Variants in AGBL3 observed in about 807,000 individuals in gnomAD.
AGBL3 encodes the protein cytosolic carboxypeptidase 3.
AGBL3 carries 68 observed loss-of-function variants against 94.5 expected under a neutral mutation model. The observed-to-expected ratio is 0.72, with a 90% confidence interval of 0.59 to 0.88. AGBL3 has a LOEUF of 0.88. AGBL3 is among the 40% of genes least tolerant of loss of function. The pLI is 0.00. For synonymous variants in AGBL3, 354 were observed against 370.7 expected (o/e 0.95, Z 0.52); for missense variants, 934 against 1,103.8 (o/e 0.85, Z 2.18).
rs533913574 is a variant in AGBL3, at chr7:135,021,534, C to T, written c.418+4375C>T. Among the ~76,000 whole-genome samples, 376 of 152,108 alleles carry T rather than the reference C, an allele frequency of 2.5e-3. 4 individuals are homozygous for T. Among genetic ancestry groups the T allele is most frequent in the African/African-American group, 8.2e-3 (342 of 41,508 alleles). On this transcript the variant is annotated intron_variant, in intron 5 of 16. Transcript: ENST00000436302. ...GTCTCGATCTCCTGACCTTGTGATC[C>T]GCCCGCCTCAGCCTCCCAAAGTGCT...
chr7:135,115,795 G>A (rs995391887), intron 16 of AGBL3, 184 bp downstream of exon 16: 7 of 543,042 alleles, frequency 1.3e-5, no homozygotes, highest in Non-Finnish European at 2.3e-5. Flanking sequence ...GAAGGAGTAA[G>A]TTATCAGGCC....
chr7:135,113,078 A>G (rs1406428714), intron 15 of AGBL3, among the ~76,000 whole-genome samples: 1 of 152,222 alleles, frequency 6.6e-6, no homozygotes, highest in Non-Finnish European at 1.5e-5. Context: ...CACCCGGCCT[A>G]CATTCAGTGA....
In AGBL3 at chr7:135,080,199, T is replaced by C. The variant is rs900773356; in HGVS notation, c.1981-4T>C. On this transcript the variant is annotated splice_polypyrimidine_tract_variant and splice_region_variant and intron_variant, in intron 13 of 16. Transcript: ENST00000436302. ...TTGTTTTCTTTGATTCTACATTCCATTAGGTTTATGATAGAGGGCATTTGC... is the reference window on the plus strand; with the variant it reads ...TTGTTTTCTTTGATTCTACATTCCACTAGGTTTATGATAGAGGGCATTTGC... 1 of 1,542,488 alleles carries C rather than the reference T, an allele frequency of 6.5e-7. No homozygotes were observed. The highest frequency in any genetic ancestry group is 8.8e-7 in the Non-Finnish European group (1 of 1,139,300).
chr7:135,001,900 G>T (rs1403440260), intron 4 of AGBL3, among the ~76,000 whole-genome samples: 1 of 152,156 alleles, frequency 6.6e-6, no homozygotes, highest in Non-Finnish European at 1.5e-5. Flanking sequence ...CATCCAGTGA[G>T]CCAACTCTTT....
chr7:135,124,445 T>C (rs1827580290), intron 16 of AGBL3, among the ~76,000 whole-genome samples: 1 of 152,164 alleles, frequency 6.6e-6, no homozygotes, highest in Non-Finnish European at 1.5e-5. Context: ...ACAATAATAG[T>C]GGAAGACTTT....
intron 15 of AGBL3, among the ~76,000 whole-genome samples, chr7:135,110,184 T>A (rs892212571): frequency 6.6e-6 from 1 of 152,226 alleles, no homozygotes; most frequent in African/African-American, 2.4e-5. Flanking sequence ...GGGAGCTCTG[T>A]CTCAGGGAGG....
intron 5 of AGBL3, among the ~76,000 whole-genome samples, chr7:135,019,629 C>T (rs555307755): frequency 2.6e-5 from 4 of 152,206 alleles, no homozygotes; most frequent in East Asian, 3.9e-4. Context: ...GCAAAAAGAA[C>T]AAAGCTGGAG....
intron 12 of AGBL3, among the ~76,000 whole-genome samples, chr7:135,072,680 C>T (rs199726626): frequency 1.1e-4 from 17 of 150,068 alleles, no homozygotes; most frequent in South Asian, 4.2e-4. Flanking sequence ...AACCAAACAC[C>T]GCATGTTCTC....
chr7:135,047,658 GTGTGTCTTAT>G (rs1197671135), intron 11 of AGBL3, among the ~76,000 whole-genome samples: 2 of 151,898 alleles, frequency 1.3e-5, no homozygotes, highest in African/African-American at 4.8e-5. Flanking sequence ...CTGTTGGCCA[GTGTGTCTTAT>G]TGTAGAAATA....
chr7:134,987,000 C>T (rs758250771), intron 1 of AGBL3, among the ~76,000 whole-genome samples: 1 of 152,252 alleles, frequency 6.6e-6, no homozygotes, highest in Non-Finnish European at 1.5e-5. Flanking sequence ...ACTTCGTGCG[C>T]CCTGTGTGCA....
At chr7:135,040,434 G>T (rs1273468834) in intron 8 of AGBL3, among the ~76,000 whole-genome samples, 1 of 152,062 alleles carries the variant, frequency 6.6e-6, no homozygotes, top group African/African-American at 2.4e-5. Context: ...TGACCAGATG[G>T]GGTTTATCCC....
At chr7:135,097,403 T>C (rs1823066737) in intron 15 of AGBL3, among the ~76,000 whole-genome samples, 1 of 152,208 alleles carries the variant, frequency 6.6e-6, no homozygotes, top group Non-Finnish European at 1.5e-5. Context: ...TCTTGATTTC[T>C]ATGAATATTT....
At chr7:135,090,110 G>A (rs1041460834) in intron 15 of AGBL3, among the ~76,000 whole-genome samples, 11 of 152,290 alleles carry the variant, frequency 7.2e-5, no homozygotes, top group Non-Finnish European at 1.5e-4. Flanking sequence ...TGCAATTCAG[G>A]AACCTGAGGC....
At chr7:135,039,458 G>A (rs749570437) in intron 8 of AGBL3, among the ~76,000 whole-genome samples, 17 of 152,112 alleles carry the variant, frequency 1.1e-4, no homozygotes, top group African/African-American at 2.7e-4. Context: ...GAATAGGCTG[G>A]GTACAATGGC....
intron 11 of AGBL3, among the ~76,000 whole-genome samples, chr7:135,054,899 C>T (rs1818201100): frequency 6.6e-6 from 1 of 152,058 alleles, no homozygotes. Flanking sequence ...ATAAAGAAAA[C>T]AGGTTTATTT....
chr7:135,024,116 T>A, intron 5 of AGBL3, among the ~76,000 whole-genome samples: 1 of 152,066 alleles, frequency 6.6e-6, no homozygotes, highest in East Asian at 1.9e-4. Flanking sequence ...TACATGACCG[T>A]CTGGGAAGGG....
intron 4 of AGBL3, among the ~76,000 whole-genome samples, chr7:135,002,506 A>G (rs1009369100): frequency 6.6e-6 from 1 of 152,116 alleles, no homozygotes; most frequent in African/African-American, 2.4e-5. Flanking sequence ...TCCATCCAAA[A>G]TTAATATAAT....
chr7:135,092,647 C>T (rs766545319), intron 15 of AGBL3: 4 of 152,120 alleles, frequency 2.6e-5, no homozygotes, highest in Non-Finnish European at 4.4e-5. Flanking sequence ...GGGGTTACAT[C>T]GGAGTTGTTT....
At chr7:135,038,891 G>A (rs867415012) in intron 8 of AGBL3, among the ~76,000 whole-genome samples, 9 of 151,942 alleles carry the variant, frequency 5.9e-5, no homozygotes, top group African/African-American at 1.9e-4. Flanking sequence ...CCCAGGAGGC[G>A]GAGCTTGCAG....
Sources: allele counts gnomAD v4.1 joint callset (sites outside exome capture counted in the v4.1 genomes callset), GRCh38; gene constraint gnomAD v4.1.1; transcripts MANE v1.5; gene names NCBI Gene and HGNC (gene_info 2026-07-23, HGNC 2026-07-21).